The following PCBD2 variants were observed in gnomAD, a reference collection of about 807,000 sequenced individuals.
The protein encoded by PCBD2 is pterin-4-alpha-carbinolamine dehydratase 2.
PCBD2 carries 12 observed loss-of-function variants against 16.4 expected under a neutral mutation model. The observed-to-expected ratio is 0.73, with a 90% CI of 0.47 to 1.19. The LOEUF (loss-of-function observed/expected upper bound fraction) is 1.19. Ranked by LOEUF, PCBD2 falls within the 50% of genes most tolerant of loss-of-function variation. PCBD2 has a pLI of 0.00. For missense variants in PCBD2, 138 were observed against 156.8 expected (o/e 0.88, Z 0.64); for synonymous variants, 58 against 61.8 (o/e 0.94, Z 0.29).
rs544805809 is a variant in PCBD2, at chr5:134,908,826, T to C, written c.85-1509T>C. The C allele has an allele frequency of 5.9e-5, 9 of 152,288 alleles. No homozygotes were observed. The East Asian group carries it at 1.4e-3, about 23-fold the overall frequency. 9.4% of individuals were successfully genotyped at this position (152,288 alleles called of 1,614,324 possible). On this transcript the variant is annotated intron_variant, in intron 1 of 3. Coordinates refer to ENST00000254908, the MANE Select transcript of PCBD2 (RefSeq NM_032151.5). ...GTAAAATCTTTTTCCTCTCTTAATA[T>C]TAGTGATAAATGATTTTGGGATTTC... is the stretch of plus-strand genomic sequence containing the variant.
chr5:134,905,288 G>A, intron 1 of PCBD2, 65 bp downstream of exon 1: 2 of 1,197,458 alleles, frequency 1.7e-6, no homozygotes, highest in Non-Finnish European at 2.1e-6. Context: ...GCCCGGCGGC[G>A]TCGGCTGAGG....
intron 2 of PCBD2, among the ~76,000 whole-genome samples, chr5:134,915,227 A>G (rs947588065): frequency 6.6e-6 from 1 of 151,914 alleles, no homozygotes; most frequent in African/African-American, 2.4e-5. Flanking sequence ...AGGGAGGAGA[A>G]TCGCTTGAAC....
intron 2 of PCBD2, among the ~76,000 whole-genome samples, chr5:134,957,948 T>G (rs1751433519): frequency 6.6e-6 from 1 of 152,246 alleles, no homozygotes; most frequent in Non-Finnish European, 1.5e-5. Context: ...TAGAATTGTT[T>G]AAAATGGCAT....
chr5:134,929,445 T>C (rs531010542), intron 2 of PCBD2, among the ~76,000 whole-genome samples: 1 of 151,822 alleles, frequency 6.6e-6, no homozygotes, highest in South Asian at 2.1e-4. Context: ...TGAATTCTGC[T>C]GAGACACCAA....
chr5:134,945,752 C>G (rs190851453), intron 2 of PCBD2, among the ~76,000 whole-genome samples: 2 of 152,076 alleles, frequency 1.3e-5, no homozygotes, highest in African/African-American at 4.8e-5. Flanking sequence ...AAATTGGAAC[C>G]GCTTCAGTGT....
intron 2 of PCBD2, among the ~76,000 whole-genome samples, chr5:134,947,633 C>T (rs1346452840): frequency 2.0e-5 from 3 of 151,390 alleles, no homozygotes; most frequent in Non-Finnish European, 4.4e-5. Context: ...ATGATCCACC[C>T]GCCTCGGCCT....
chr5:134,937,840 C>G (rs1371189838), intron 2 of PCBD2, among the ~76,000 whole-genome samples: 1 of 152,250 alleles, frequency 6.6e-6, no homozygotes, highest in Non-Finnish European at 1.5e-5. Flanking sequence ...GGCAGACTCT[C>G]AGTTTATCAG....
At chr5:134,954,007 G>T (rs532399627) in intron 2 of PCBD2, among the ~76,000 whole-genome samples, 1 of 151,988 alleles carries the variant, frequency 6.6e-6, no homozygotes, top group South Asian at 2.1e-4. Context: ...CCAGGTTGGC[G>T]TGCAGTGGAG....
chr5:134,957,642 G>C (rs761402213), intron 2 of PCBD2, among the ~76,000 whole-genome samples: 11 of 151,720 alleles, frequency 7.3e-5, no homozygotes, highest in Admixed American at 6.6e-5. Flanking sequence ...TTGTGCCTGT[G>C]AACAGCCCCT....
At chr5:134,905,511 C>T (rs1042552202) in intron 1 of PCBD2, 5 of 319,142 alleles carry the variant, frequency 1.6e-5, no homozygotes, top group African/African-American at 8.6e-5. Context: ...TCAGCAACTA[C>T]AAAAGGCAGA....
At chr5:134,918,280 G>A (rs1267340348) in intron 2 of PCBD2, among the ~76,000 whole-genome samples, 1 of 152,118 alleles carries the variant, frequency 6.6e-6, no homozygotes, top group African/African-American at 2.4e-5. Flanking sequence ...CGAAGCAGGC[G>A]GGTCACCAGA....
intron 1 of PCBD2, among the ~76,000 whole-genome samples, chr5:134,906,476 T>C (rs1561905051): frequency 6.6e-6 from 1 of 152,076 alleles, no homozygotes; most frequent in East Asian, 1.9e-4. Flanking sequence ...AGTGCTGTAA[T>C]AGAAGAAATT....
At chr5:134,925,875 T>C (rs1381584955) in intron 2 of PCBD2, 6 of 393,326 alleles carry the variant, frequency 1.5e-5, no homozygotes, top group Non-Finnish European at 2.2e-5. Context: ...GTGGGTCTCA[T>C]GAGTTGGAGT....
intron 2 of PCBD2, chr5:134,925,210 G>A: frequency 1.0e-5 from 4 of 398,484 alleles, no homozygotes; most frequent in Non-Finnish European, 1.8e-5. Context: ...GCTTGTCAGG[G>A]AGGTGGCGAT....
intron 2 of PCBD2, among the ~76,000 whole-genome samples, chr5:134,935,801 T>C (rs1442337020): frequency 6.6e-6 from 1 of 152,244 alleles, no homozygotes; most frequent in African/African-American, 2.4e-5. Flanking sequence ...TTGGCAGTCA[T>C]CTTGCTCCTG....
At position 134,949,164 on chromosome 5, in the gene PCBD2, C is replaced by T. The variant is rs17167733; in HGVS notation, c.217-9876C>T. Among the ~76,000 whole-genome samples, 891 of 152,246 alleles carry T rather than the reference C, an allele frequency of 5.9e-3. 8 individuals are homozygous for T. Among genetic ancestry groups the T allele is most frequent in the African/African-American group, 0.02 (851 of 41,544 alleles). ...ATGAGTCACCTGCTTGGCTGAGATG[C>T]TCGCTGACAGATTGCCAGTTCCGCA... On this transcript the variant is annotated intron_variant, in intron 2 of 3. Coordinates refer to ENST00000254908, the MANE Select transcript of PCBD2 (RefSeq NM_032151.5).
At chr5:134,942,148 A>G (rs1194732902) in intron 2 of PCBD2, among the ~76,000 whole-genome samples, 1 of 151,578 alleles carries the variant, frequency 6.6e-6, no homozygotes, top group Non-Finnish European at 1.5e-5. Flanking sequence ...AAAAAAAAAA[A>G]AAGATTGTAG....
In PCBD2 at chr5:134,923,521, G is replaced by A. The variant is rs540802815; in HGVS notation, c.216+13055G>A. On this transcript the variant is annotated intron_variant, in intron 2 of 3. Coordinates refer to ENST00000254908, the MANE Select transcript of PCBD2 (RefSeq NM_032151.5). Reference sequence around the variant, plus strand: ...AAGATAAAGTGAAAGGTAAAGAACCGTGTGAGGGTGGGACTATCTACTGAG... The same window carrying A: ...AAGATAAAGTGAAAGGTAAAGAACCATGTGAGGGTGGGACTATCTACTGAG... 20 of 291,336 alleles carry A rather than the reference G, an allele frequency of 6.9e-5. No homozygotes were observed. In the Admixed American group the frequency reaches 7.2e-4, roughly 11 times the overall value. The allele number at this position is 291,336 out of a possible 1,614,324, so 18.0% of individuals were successfully genotyped here.
At chr5:134,957,579 A>AC (rs1751428503) in intron 2 of PCBD2, among the ~76,000 whole-genome samples, 1 of 152,112 alleles carries the variant, frequency 6.6e-6, no homozygotes, top group African/African-American at 2.4e-5. Flanking sequence ...AGGCAGGAGG[A>AC]TCCCTTGAGT....
Sources: gnomAD v4.1 joint callset for allele counts (sites outside exome capture counted in the v4.1 genomes callset) on GRCh38, gnomAD v4.1.1 for gene constraint, MANE v1.5 for transcripts, NCBI Gene and HGNC (gene_info 2026-07-23, HGNC 2026-07-21) for gene names.